The following LGALS14 variants were observed in gnomAD, a reference collection of about 807,000 sequenced individuals.
The protein encoded by LGALS14 is galectin 14.
A neutral mutation model predicts 14.6 loss-of-function variants in LGALS14; 14 were observed. The ratio of observed to expected loss-of-function variants is 0.96; its 90% CI spans 0.64 to 1.50. The LOEUF is 1.50. Among genes scored for constraint, LGALS14 ranks in the 40% most tolerant of loss-of-function variants. The pLI is 0.00. For missense variants in LGALS14, 180 were observed against 172.0 expected (o/e 1.05, Z -0.26); for synonymous variants, 57 against 63.9 (o/e 0.89, Z 0.51).
At chr19:39,705,894 C>T (rs1287958198) in intron 1 of LGALS14, 2 of 1,611,944 alleles carry the variant, frequency 1.2e-6, no homozygotes, top group Non-Finnish European at 8.5e-7. Flanking sequence ...AGAAATCAAT[C>T]ATTCCCTCCA....
chr19:39,709,088 A>C lies in LGALS14; in HGVS notation c.304-109A>C, dbSNP rs187038203. On this transcript the variant is annotated intron_variant, in intron 3 of 3. Coordinates refer to ENST00000392052, the MANE Select transcript of LGALS14 (RefSeq NM_020129.3). Reference sequence around the variant, plus strand: ...GTGTGTCTACTAGGTTCACTTGTGTAACTAGGAGTTTTCATGGGGAAGGTT... The same window carrying C: ...GTGTGTCTACTAGGTTCACTTGTGTCACTAGGAGTTTTCATGGGGAAGGTT... 605 of 769,280 alleles carry C rather than the reference A, an allele frequency of 7.9e-4. 3 individuals carry two copies. The highest frequency in any genetic ancestry group is 1.5e-3 in the Admixed American group (86 of 56,362). 47.7% of individuals were successfully genotyped at this position (769,280 alleles called of 1,614,324 possible). A position where few individuals can be genotyped will look rare whatever the true frequency, so the allele number is the denominator to read the frequency against.
At chr19:39,706,851 C>A (rs1342098450) in intron 2 of LGALS14, among the ~76,000 whole-genome samples, 178 bp downstream of exon 2, 3 of 152,198 alleles carry the variant, frequency 2.0e-5, no homozygotes, top group Non-Finnish European at 4.4e-5. Flanking sequence ...AAACTGCATG[C>A]AGGCCAGCCA....
chr19:39,705,162 G>T (rs1266975039), intron 1 of LGALS14, among the ~76,000 whole-genome samples: 1 of 152,126 alleles, frequency 6.6e-6, no homozygotes, highest in Non-Finnish European at 1.5e-5. Flanking sequence ...GGGATCTTGG[G>T]GATTGTGAGT....
chr19:39,707,475 C>T, intron 3 of LGALS14, 87 bp downstream of exon 3: 1 of 1,029,616 alleles, frequency 9.7e-7, no homozygotes, highest in Non-Finnish European at 1.5e-6. Flanking sequence ...CCACCAGTCC[C>T]TTGGGGCCCA....
At position 39,707,188 on chromosome 19, in the gene LGALS14, C is replaced by G. The variant is rs754661362; in HGVS notation, c.103C>G (p.Gln35Glu). 3 of 1,613,798 alleles carry G rather than the reference C, an allele frequency of 1.9e-6. No homozygotes were observed. Among genetic ancestry groups the G allele is most frequent in the East Asian group, 2.2e-5 (1 of 44,832 alleles). Residue 35 changes from glutamine (Q) to glutamate (E), a missense_variant, in exon 3 of 4, where the codon CAG (glutamine) becomes GAG (glutamate). By Grantham distance (29) the Gln-to-Glu change is conservative. Transcript: ENST00000392052. The part of the protein sequence containing the change: ...TPILTFVKDP[Q>E]LEVNFYTGMD... ...GTGCTTTGACCTCAGCAAGGACCCA[C>G]AGCTGGAGGTGAATTTCTACACTGG...
At chr19:39,706,492 A>G in intron 1 of LGALS14, 105 bp from the exon 2 acceptor site, 2 of 802,414 alleles carry the variant, frequency 2.5e-6, no homozygotes, top group South Asian at 1.6e-5. Context: ...GAGAGGCCTC[A>G]GAGTCTGACC....
intron 3 of LGALS14, among the ~76,000 whole-genome samples, chr19:39,707,875 T>C (rs1973740393): frequency 6.6e-6 from 1 of 152,126 alleles, no homozygotes; most frequent in South Asian, 2.1e-4. Flanking sequence ...AGTGGCGTGA[T>C]CACAGCTCAT....
intron 1 of LGALS14, chr19:39,706,039 C>T (rs62121662): frequency 2.3e-5 from 37 of 1,610,486 alleles, no homozygotes; most frequent in Non-Finnish European, 3.1e-5. Flanking sequence ...ACAGGGGTTT[C>T]CTGTTCTTTC....
chr19:39,707,076 C>A, intron 2 of LGALS14, 102 bp from the exon 3 acceptor site: 2 of 906,458 alleles, frequency 2.2e-6, no homozygotes, highest in Admixed American at 2.0e-5. Flanking sequence ...ATCGGGGAGA[C>A]TTTTTGCCCT....
Position 39,707,265 on chromosome 19 carries a change from TC to T in LGALS14, c.182del (p.Pro61LeufsTer4). 8 of 1,614,086 alleles carry T rather than the reference TC, an allele frequency of 5.0e-6. No individual in the cohort carries two copies. The highest frequency in any genetic ancestry group is 6.8e-6 in the Non-Finnish European group (8 of 1,179,898). ...AFQFRLHFGHPAIMNSCVFGI... is the reference protein window; with the variant it reads ...AFQFRLHFGHXAIMNSCVFGI... Reference sequence around the variant, plus strand: ...TCCAATTCCGACTGCACTTTGGTCATCCTGCAATCATGAACAGTTGTGTGTT... The same window carrying T: ...TCCAATTCCGACTGCACTTTGGTCATCTGCAATCATGAACAGTTGTGTGTT... On this transcript the variant is annotated frameshift_variant, in exon 3 of 4. Coordinates refer to ENST00000392052, the MANE Select transcript of LGALS14 (RefSeq NM_020129.3). LOFTEE classifies it high-confidence loss of function.
chr19:39,705,597 A>G (rs533470802), intron 1 of LGALS14: 10 of 260,764 alleles, frequency 3.8e-5, no homozygotes, highest in Middle Eastern at 1.4e-3. Flanking sequence ...AATCCCACCA[A>G]TTTGGGAGGC....
rs1973764960 is a variant in LGALS14, at chr19:39,709,343, G to C, written c.*30G>C. ...GATGATCAGACTCCTCATTGTTGAG[G>C]AATCCCTCTTTCTACCTGACCATGG... On this transcript the variant is annotated 3_prime_UTR_variant, in exon 4 of 4. Coordinates refer to ENST00000392052, the MANE Select transcript of LGALS14 (RefSeq NM_020129.3). 1 of 1,277,896 alleles carries C rather than the reference G, an allele frequency of 7.8e-7. No homozygotes were observed. Among genetic ancestry groups the C allele is most frequent in the East Asian group, 2.3e-5 (1 of 43,328 alleles). The allele number at this position is 1,277,896 out of a possible 1,614,324, so 79.2% of individuals were successfully genotyped here. A position where few individuals can be genotyped will look rare whatever the true frequency, so the allele number is the denominator to read the frequency against.
chr19:39,707,296 A>T lies in LGALS14; in HGVS notation c.211A>T (p.Ile71Leu). The change falls in exon 3 of 4, where the codon ATA becomes TTA. Residue 71 changes from isoleucine (I) to leucine (L), a missense_variant. Physicochemically the swap from Ile to Leu is conservative, Grantham distance 5. Coordinates refer to ENST00000392052, the MANE Select transcript of LGALS14 (RefSeq NM_020129.3). ...PAIMNSCVFGIWRYEEKCYYL... is the reference protein window; with the variant it reads ...PAIMNSCVFGLWRYEEKCYYL... ...AATCATGAACAGTTGTGTGTTTGGC[A>T]TATGGAGATATGAGGAGAAATGCTA... The T allele has an allele frequency of 6.2e-7, 1 of 1,614,146 alleles. No individual in the cohort carries two copies. Among genetic ancestry groups the T allele is most frequent in the Non-Finnish European group, 8.5e-7 (1 of 1,179,952 alleles).
At position 39,707,270 on chromosome 19, in the gene LGALS14, C is replaced by T. The variant is rs1973728773; in HGVS notation, c.185C>T (p.Ala62Val). 3 of 1,614,054 alleles carry T rather than the reference C, an allele frequency of 1.9e-6. No individual in the cohort carries two copies. Among genetic ancestry groups the T allele is most frequent in the East Asian group, 2.2e-5 (1 of 44,870 alleles). The stretch of plus-strand genomic sequence containing the variant: ...TTCCGACTGCACTTTGGTCATCCTG[C>T]AATCATGAACAGTTGTGTGTTTGGC... ...FQFRLHFGHPAIMNSCVFGIW... is the reference protein window; with the variant it reads ...FQFRLHFGHPVIMNSCVFGIW... Residue 62 changes from alanine to valine, a missense_variant, in exon 3 of 4, where the codon GCA becomes GTA. Ala to Val is a moderately conservative substitution (Grantham distance 64). Coordinates refer to ENST00000392052, the MANE Select transcript of LGALS14 (RefSeq NM_020129.3).
chr19:39,709,146 A>T (rs1973760358), intron 3 of LGALS14, 51 bp from the exon 4 acceptor site: 1 of 1,171,234 alleles, frequency 8.5e-7, no homozygotes, highest in Non-Finnish European at 1.3e-6. Context: ...GAAAGGGCTG[A>T]AAACCTGTTT....
At position 39,707,300 on chromosome 19, in the gene LGALS14, G is replaced by A; in HGVS notation, c.215G>A (p.Trp72Ter). ...ATGAACAGTTGTGTGTTTGGCATAT[G>A]GAGATATGAGGAGAAATGCTACTAT... ...AIMNSCVFGI[W>*]RYEEKCYYLP... The change falls in exon 3 of 4, where the codon TGG (tryptophan) becomes TAG (stop). Residue 72 changes from tryptophan to a stop codon, truncating the protein, a stop_gained. Transcript: ENST00000392052. LOFTEE classifies it high-confidence loss of function. 3 of 1,614,108 alleles carry A rather than the reference G, an allele frequency of 1.9e-6. No individual in the cohort carries two copies. The highest frequency in any genetic ancestry group is 2.5e-6 in the Non-Finnish European group (3 of 1,179,932).
At chr19:39,706,828 A>G (rs1297126926) in intron 2 of LGALS14, among the ~76,000 whole-genome samples, 155 bp downstream of exon 2, 2 of 152,212 alleles carry the variant, frequency 1.3e-5, no homozygotes, top group Admixed American at 1.3e-4. Context: ...AGCAACAGAC[A>G]TGAGACCTGT....
chr19:39,705,200 T>C (rs901073850), intron 1 of LGALS14, among the ~76,000 whole-genome samples: 6 of 152,276 alleles, frequency 3.9e-5, no homozygotes, highest in African/African-American at 1.4e-4. Context: ...AGATCACTTA[T>C]GAGAGCGAAA....
chr19:39,706,881 A>G (rs1198995646), intron 2 of LGALS14, among the ~76,000 whole-genome samples: 1 of 152,200 alleles, frequency 6.6e-6, no homozygotes, highest in Admixed American at 6.5e-5. Flanking sequence ...GGGGAGGAGA[A>G]CACTCAGTGG....
Sources: gnomAD v4.1 joint callset for allele counts (sites outside exome capture counted in the v4.1 genomes callset) on GRCh38, gnomAD v4.1.1 for gene constraint, MANE v1.5 for transcripts, NCBI Gene and HGNC (gene_info 2026-07-23, HGNC 2026-07-21) for gene names.